KCNN2: variants seen among roughly 807,000 people sequenced by gnomAD.
The protein encoded by KCNN2 is potassium calcium-activated channel subfamily N member 2.
KCNN2 carries 24 observed loss-of-function variants against 55.5 expected under a neutral mutation model. The ratio of observed to expected loss-of-function variants is 0.43; its 90% CI spans 0.31 to 0.61. KCNN2 has a LOEUF of 0.61. Among genes scored for constraint, KCNN2 ranks in the 20% least tolerant of loss-of-function variants. The pLI, the probability that KCNN2 is intolerant of heterozygous loss-of-function variation, is 0.08. For synonymous variants in KCNN2, 431 were observed against 336.1 expected, an observed-to-expected ratio of 1.28 and a Z score of -3.09; for missense variants, 754 against 853.6, an observed-to-expected ratio of 0.88 and a Z score of 1.45.
At chr5:114,303,597 C>T (rs1007489930) in intron 2 of KCNN2, among the ~76,000 whole-genome samples, 7 of 152,134 alleles carry the variant, frequency 4.6e-5, no homozygotes, top group Admixed American at 2.0e-4. Flanking sequence ...ATTATTTGGG[C>T]TTTTTGAAAA....
intron 2 of KCNN2, among the ~76,000 whole-genome samples, chr5:114,270,622 G>A (rs770625999): frequency 4.1e-4 from 62 of 152,108 alleles, no homozygotes; most frequent in Non-Finnish European, 7.5e-4. Flanking sequence ...ATCTCAAACT[G>A]TTTATTTTCC....
chr5:114,423,341 C>T (rs1254396665), intron 3 of KCNN2, among the ~76,000 whole-genome samples: 1 of 152,018 alleles, frequency 6.6e-6, no homozygotes, highest in African/African-American at 2.4e-5. Flanking sequence ...ACCCCCACAG[C>T]CCCCAAAAAA....
At chr5:114,247,548 A>G (rs1754771858) in intron 2 of KCNN2, among the ~76,000 whole-genome samples, 1 of 152,236 alleles carries the variant, frequency 6.6e-6, no homozygotes, top group Non-Finnish European at 1.5e-5. Flanking sequence ...CCAGGATTGA[A>G]AGTAGATTAA....
intron 6 of KCNN2, 178 bp from the exon 7 acceptor site, chr5:114,493,225 G>A (rs895636612): frequency 8.8e-6 from 6 of 680,812 alleles, no homozygotes; most frequent in African/African-American, 1.8e-5. Context: ...TTTTTGCGGT[G>A]TTGGGGAAGC....
chr5:114,098,651 G>A (rs1458840051), intron 1 of KCNN2, among the ~76,000 whole-genome samples: 3 of 151,668 alleles, frequency 2.0e-5, no homozygotes, highest in African/African-American at 4.8e-5. Flanking sequence ...CACGAAACTG[G>A]TCCCTGGTAC....
intron 3 of KCNN2, among the ~76,000 whole-genome samples, chr5:114,446,892 ACT>A (rs1250665659): frequency 6.6e-6 from 1 of 152,126 alleles, no homozygotes; most frequent in Admixed American, 6.5e-5. Flanking sequence ...ACAGAGCAAG[ACT>A]CTGTCTCAGT....
At chr5:114,370,891 G>C (rs1042771999) in intron 2 of KCNN2, among the ~76,000 whole-genome samples, 27 of 152,310 alleles carry the variant, frequency 1.8e-4, no homozygotes, top group African/African-American at 6.0e-4. Flanking sequence ...TGATCCAGCT[G>C]AATGTTTAAG....
At chr5:114,148,755 G>A (rs1279565025) in intron 1 of KCNN2, among the ~76,000 whole-genome samples, 1 of 152,070 alleles carries the variant, frequency 6.6e-6, no homozygotes, top group Non-Finnish European at 1.5e-5. Context: ...GGAGGTGGAG[G>A]GAGGGGATCA....
intron 1 of KCNN2, among the ~76,000 whole-genome samples, chr5:114,079,628 C>T (rs538227089): frequency 8.5e-5 from 13 of 152,104 alleles, no homozygotes; most frequent in East Asian, 5.8e-4. Flanking sequence ...TACAGTAGAA[C>T]GTAGAACAAT....
intron 2 of KCNN2, among the ~76,000 whole-genome samples, chr5:114,354,681 GTGAAAGTATCCAATAGTTTCAACTA>G (rs1757267521): frequency 6.6e-6 from 1 of 152,068 alleles, no homozygotes; most frequent in South Asian, 2.1e-4. Flanking sequence ...AATTTAACTT[GTGAAAGTATCCAATAGTTTCAACTA>G]ATTAAAACAG....
chr5:114,353,635 C>T (rs1757251206), intron 2 of KCNN2, among the ~76,000 whole-genome samples: 1 of 151,860 alleles, frequency 6.6e-6, no homozygotes, highest in Non-Finnish European at 1.5e-5. Flanking sequence ...AAAGGCAAGT[C>T]TGTTAGCATT....
chr5:114,321,427 G>T (rs1296227183), intron 2 of KCNN2, among the ~76,000 whole-genome samples: 1 of 152,146 alleles, frequency 6.6e-6, no homozygotes, highest in Non-Finnish European at 1.5e-5. Context: ...CAGGTTGGGG[G>T]TTGAAGGATA....
At chr5:114,459,992 AT>A (rs1326090025) in intron 3 of KCNN2, among the ~76,000 whole-genome samples, 1 of 152,178 alleles carries the variant, frequency 6.6e-6, no homozygotes, top group Non-Finnish European at 1.5e-5. Context: ...GTTCCAGTGT[AT>A]GCTTTTCATT....
intron 1 of KCNN2, among the ~76,000 whole-genome samples, chr5:114,196,115 T>A (rs1429858312): frequency 6.6e-6 from 1 of 151,984 alleles, no homozygotes; most frequent in Non-Finnish European, 1.5e-5. Flanking sequence ...TATAAGCCTT[T>A]ATTGTGATCA....
At chr5:114,347,535 G>A (rs548150806) in intron 2 of KCNN2, among the ~76,000 whole-genome samples, 11 of 152,144 alleles carry the variant, frequency 7.2e-5, no homozygotes, top group Non-Finnish European at 1.3e-4. Flanking sequence ...ACAGAACTAC[G>A]TTTAATAACC....
At chr5:114,195,991 A>G (rs761941849) in intron 1 of KCNN2, among the ~76,000 whole-genome samples, 2 of 151,966 alleles carry the variant, frequency 1.3e-5, no homozygotes, top group South Asian at 2.1e-4. Flanking sequence ...GAGGTCCTTA[A>G]TTTAATTTTT....
intron 1 of KCNN2, among the ~76,000 whole-genome samples, chr5:114,160,333 C>T (rs990473327): frequency 3.3e-5 from 5 of 152,238 alleles, no homozygotes; most frequent in African/African-American, 1.2e-4. Flanking sequence ...TTTCTTATTC[C>T]TGAGTTCTAG....
At chr5:114,397,104 T>A (rs180973872) in intron 2 of KCNN2, among the ~76,000 whole-genome samples, 37 of 152,318 alleles carry the variant, frequency 2.4e-4, no homozygotes, top group South Asian at 4.1e-4. Flanking sequence ...CATACCATAT[T>A]TTCTTTATCC....
intron 2 of KCNN2, among the ~76,000 whole-genome samples, chr5:114,394,872 A>G (rs1399775219): frequency 6.6e-6 from 1 of 152,092 alleles, no homozygotes; most frequent in African/African-American, 2.4e-5. Context: ...CCTGATTTTA[A>G]TGATTAACTT....
Sources: gnomAD v4.1 joint callset for allele counts (sites outside exome capture counted in the v4.1 genomes callset) on GRCh38, gnomAD v4.1.1 for gene constraint, MANE v1.5 for transcripts, NCBI Gene and HGNC (gene_info 2026-07-23, HGNC 2026-07-21) for gene names.